The following TTC6 variants were observed in gnomAD, a reference collection of about 807,000 sequenced individuals.
The protein encoded by TTC6 is tetratricopeptide repeat protein 6.
A neutral mutation model predicts 210.4 loss-of-function variants in TTC6; 172 were observed. The observed-to-expected ratio is 0.82, with a 90% CI of 0.72 to 0.93. TTC6 has a LOEUF of 0.93. Ranked by LOEUF, TTC6 falls within the 40% of genes least tolerant of loss-of-function variation. TTC6 has a pLI of 0.00. For missense variants in TTC6, 2,414 were observed against 2,318.1 expected, an observed-to-expected ratio of 1.04 and a Z score of -0.85; for synonymous variants, 804 against 819.6, an observed-to-expected ratio of 0.98 and a Z score of 0.32.
intron 14 of TTC6, among the ~76,000 whole-genome samples, chr14:37,768,156 C>A (rs1483391465): frequency 1.3e-5 from 2 of 150,184 alleles, no homozygotes; most frequent in East Asian, 3.9e-4. Flanking sequence ...TTCCATTGAT[C>A]TATATCTCTG....
intron 3 of TTC6, among the ~76,000 whole-genome samples, chr14:37,695,521 A>G (rs541977016): frequency 9.2e-5 from 14 of 152,030 alleles, no homozygotes; most frequent in African/African-American, 3.1e-4. Context: ...CGCCTAGCTA[A>G]TTTTGTAGTT....
intron 1 of TTC6, among the ~76,000 whole-genome samples, chr14:37,676,400 C>A (rs2095769565): frequency 6.6e-6 from 1 of 152,014 alleles, no homozygotes; most frequent in Admixed American, 6.6e-5. Flanking sequence ...GTCCATTGCC[C>A]ATTTTTAATT....
chr14:37,680,482 T>A (rs2095781031), intron 2 of TTC6, among the ~76,000 whole-genome samples: 1 of 152,134 alleles, frequency 6.6e-6, no homozygotes, highest in Admixed American at 6.6e-5. Context: ...CCCCAGACTC[T>A]TTTTAGAAGG....
At chr14:37,798,758 A>C (rs1384388796) in intron 20 of TTC6, among the ~76,000 whole-genome samples, 1 of 152,142 alleles carries the variant, frequency 6.6e-6, no homozygotes, top group Admixed American at 6.5e-5. Context: ...AATAAAGATT[A>C]CATAATCTTT....
chr14:37,833,155 T>C (rs1466572770), intron 29 of TTC6, among the ~76,000 whole-genome samples: 1 of 152,128 alleles, frequency 6.6e-6, no homozygotes, highest in Non-Finnish European at 1.5e-5. Context: ...TTAAATCTGC[T>C]GTCTCTTTGT....
At chr14:37,606,473 G>C (rs1267728448) in intron 1 of TTC6, among the ~76,000 whole-genome samples, 190 bp from the exon 2 acceptor site, 1 of 152,018 alleles carries the variant, frequency 6.6e-6, no homozygotes, top group African/African-American at 2.4e-5. Flanking sequence ...TCCCCTCTCT[G>C]TCTCTACAGT....
At chr14:37,813,071 G>T (rs1204246902) in intron 25 of TTC6, among the ~76,000 whole-genome samples, 1 of 152,050 alleles carries the variant, frequency 6.6e-6, no homozygotes, top group South Asian at 2.1e-4. Flanking sequence ...ATAGCAATTA[G>T]AGATATATAG....
chr14:37,780,989 T>C (rs989405630), intron 14 of TTC6, among the ~76,000 whole-genome samples: 3 of 152,246 alleles, frequency 2.0e-5, no homozygotes, highest in African/African-American at 7.2e-5. Context: ...TAGTATTCCA[T>C]GGTGTATATG....
rs546934751 is a variant in TTC6 at position 37,768,955 on chromosome 14, T to C, written c.3266+15720T>C. 5.2e-3 allele frequency among the ~76,000 whole-genome samples: 784 copies of C among 151,980 alleles called. 9 individuals carry two copies. Among genetic ancestry groups the C allele is most frequent in the African/African-American group, 0.018 (738 of 41,464 alleles). ...CTGTGGGTTTGTCATAGATAGCTCT[T>C]ATTATTTTGAAATACGTCCCATCAA... On this transcript the variant is annotated intron_variant, in intron 14 of 30. Coordinates refer to ENST00000553443, the Ensembl canonical transcript of TTC6.
At chr14:37,714,278 G>A (rs533646001) in intron 5 of TTC6, among the ~76,000 whole-genome samples, 26 of 152,198 alleles carry the variant, frequency 1.7e-4, no homozygotes, top group African/African-American at 4.3e-4. Context: ...TTAGGCTGAT[G>A]CTTTGCCCCA....
At chr14:37,608,176 T>C (rs541822145) in intron 2 of TTC6, among the ~76,000 whole-genome samples, 1 of 152,324 alleles carries the variant, frequency 6.6e-6, no homozygotes, top group East Asian at 1.9e-4. Context: ...TTTACCAGGT[T>C]TTTATTTGCA....
At chr14:37,603,559 T>C (rs148600830) in intron 1 of TTC6, among the ~76,000 whole-genome samples, 1 of 152,356 alleles carries the variant, frequency 6.6e-6, no homozygotes, top group East Asian at 1.9e-4. Flanking sequence ...CGGTTTATGG[T>C]AAATTTAGGG....
At chr14:37,666,717 A>T (rs749400674) in intron 1 of TTC6, among the ~76,000 whole-genome samples, 3 of 150,324 alleles carry the variant, frequency 2.0e-5, no homozygotes, top group Non-Finnish European at 3.0e-5. Flanking sequence ...AATTTATTAC[A>T]CATATCCTTT....
chr14:37,699,545 TG>T (rs1283791885), intron 4 of TTC6, among the ~76,000 whole-genome samples: 1 of 152,310 alleles, frequency 6.6e-6, no homozygotes, highest in South Asian at 2.1e-4. Context: ...CCAATCAATT[TG>T]CTGGGTAAGG....
rs566237657 is a variant in TTC6 at position 37,752,494 on chromosome 14, G to T, written c.3130-605G>T. ...GAAATAGAGTAATGCAGTACATTGA[G>T]GTCAAATTTTGAAATCTTTAGGATT... On this transcript the variant is annotated intron_variant, in intron 13 of 30. Transcript: ENST00000553443. Among the ~76,000 whole-genome samples the T allele has an allele frequency of 2.8e-5, 4 of 142,850 alleles. No individual in the cohort carries two copies. In the Admixed American group the frequency reaches 3.0e-4, roughly 11 times the overall value. The allele number at this position is 142,850 out of a possible 152,430, so 93.7% of individuals were successfully genotyped here. A position where few individuals can be genotyped will look rare whatever the true frequency, so the allele number is the denominator to read the frequency against.
intron 6 of TTC6, among the ~76,000 whole-genome samples, chr14:37,723,604 G>C (rs1317932183): frequency 6.6e-6 from 1 of 152,102 alleles, no homozygotes; most frequent in Admixed American, 6.5e-5. Flanking sequence ...TTCAGTGCCA[G>C]TGCACGTGCA....
At chr14:37,739,750 AC>A (rs1015605055) in intron 10 of TTC6, among the ~76,000 whole-genome samples, 1 of 152,100 alleles carries the variant, frequency 6.6e-6, no homozygotes, top group African/African-American at 2.4e-5. Context: ...AAAAACCCAA[AC>A]AAGTTATTTG....
intron 29 of TTC6, among the ~76,000 whole-genome samples, chr14:37,839,022 A>G (rs1156643757): frequency 6.6e-6 from 1 of 152,160 alleles, no homozygotes; most frequent in Non-Finnish European, 1.5e-5. Flanking sequence ...CATGGTGTAT[A>G]TGTGCCACAT....
chr14:37,745,491 A>T (rs2095933223), intron 10 of TTC6, among the ~76,000 whole-genome samples: 1 of 152,088 alleles, frequency 6.6e-6, no homozygotes. Flanking sequence ...CGAGATTTCC[A>T]CTTGGCCCTT....
Sources: gnomAD v4.1 joint callset for allele counts (sites outside exome capture counted in the v4.1 genomes callset) on GRCh38, gnomAD v4.1.1 for gene constraint, MANE v1.5 for transcripts, NCBI Gene and HGNC (gene_info 2026-07-23, HGNC 2026-07-21) for gene names.